Variants in UBR4 observed in about 807,000 individuals in gnomAD.
The protein encoded by UBR4 is E3 ubiquitin-protein ligase UBR4.
Under a neutral mutation model 575.6 loss-of-function variants are expected in UBR4, and 124 were observed. That is an observed-to-expected ratio of 0.22 (90% CI 0.19 to 0.25). UBR4 has a LOEUF of 0.25. Ranked by LOEUF, UBR4 falls within the 10% of genes least tolerant of loss-of-function variation. UBR4 has a pLI of 1.00. For missense variants in UBR4, 4,818 were observed against 6,478.8 expected, an observed-to-expected ratio of 0.74 and a Z score of 8.80; for synonymous variants, 2,455 against 2,473.7, an observed-to-expected ratio of 0.99 and a Z score of 0.22.
chr1:19,093,925 C>T lies in UBR4; in HGVS notation c.13937+24G>A. The T allele has an allele frequency of 6.3e-7, 1 of 1,598,978 alleles. No individual in the cohort carries two copies. Among genetic ancestry groups the T allele is most frequent in the Non-Finnish European group, 8.6e-7 (1 of 1,169,254 alleles). ...CGTTTTAGTGGAGACTCTCATTTCACTATATGAAATCAAAGTAACATACTT... is the reference window on the plus strand; with the variant it reads ...CGTTTTAGTGGAGACTCTCATTTCATTATATGAAATCAAAGTAACATACTT... On this transcript the variant is annotated intron_variant, in intron 95 of 105. Coordinates refer to ENST00000375254, the MANE Select transcript of UBR4 (RefSeq NM_020765.3). The surrounding 1 kb of genome is among the most constrained non-coding windows in gnomAD (Gnocchi z 4.8).
At chr1:19,161,555 G>A (rs1396977918) in intron 37 of UBR4, 34 bp downstream of exon 37, 2 of 1,554,104 alleles carry the variant, frequency 1.3e-6, no homozygotes, top group Non-Finnish European at 1.7e-6. Context: ...TCACTAACAA[G>A]CCACCCTTTA....
At chr1:19,197,358 G>A in intron 7 of UBR4, 93 bp from the exon 8 acceptor site, 1 of 1,540,354 alleles carries the variant, frequency 6.5e-7, no homozygotes, top group Non-Finnish European at 8.8e-7. Flanking sequence ...GCCCGGCACA[G>A]TGGCTCACGC....
intron 99 of UBR4, 71 bp downstream of exon 99, chr1:19,087,745 G>A (rs2077157404): frequency 1.1e-5 from 14 of 1,268,956 alleles, no homozygotes; most frequent in Non-Finnish European, 1.6e-5. Context: ...TGGCCTGGAG[G>A]AGGGGGATGC....
chr1:19,176,595 A>T lies in UBR4; in HGVS notation c.2770T>A (p.Ser924Thr). Residue 924 changes from serine to threonine, a missense_variant, in exon 20 of 106, where the codon TCA (serine) becomes ACA (threonine). Ser to Thr is a moderately conservative substitution (Grantham distance 58, BLOSUM62 1). Around this residue, in one of 29 missense-constraint regions of UBR4, gnomAD observed 1,172 missense variants for 1,259.7 expected, o/e 0.93. Transcript: ENST00000375254. ...VEENWSKHFS[S>T]DAVPHPRFYC... is the part of the protein sequence containing the mutation. ...TATTAACAGTCTTCTTTCTGACCTG[A>T]TGAGAAATGCTTAGACCAGTTTTCT... The T allele has an allele frequency of 6.2e-7, 1 of 1,613,552 alleles. No individual in the cohort carries two copies.
At position 19,153,507 on chromosome 1, in the gene UBR4, G is replaced by T; in HGVS notation, c.6631-5C>A. On this transcript the variant is annotated splice_region_variant and splice_polypyrimidine_tract_variant and intron_variant, in intron 45 of 105. Coordinates refer to ENST00000375254, the MANE Select transcript of UBR4 (RefSeq NM_020765.3). The surrounding 1 kb of genome is among the most constrained non-coding windows in gnomAD (Gnocchi z 4.1). ...AATAGCAACCATGTCTTGGATCTAG[G>T]AGGAGAGGACAAAGGAGGGTCTTCG... 1 of 1,613,758 alleles carries T rather than the reference G, an allele frequency of 6.2e-7. No individual in the cohort carries two copies. The highest frequency in any genetic ancestry group is 8.5e-7 in the Non-Finnish European group (1 of 1,179,948).
Position 19,122,786 on chromosome 1 carries a change from C to G in UBR4, c.9816+47G>C, listed in dbSNP as rs376361225. On this transcript the variant is annotated intron_variant, in intron 66 of 105. Coordinates refer to ENST00000375254, the MANE Select transcript of UBR4 (RefSeq NM_020765.3). ...AGCCCTATTACCTACTTGGCTAAGCCTTATCACATCCCCCCTCCCTGCCCT... is the reference window on the plus strand; with the variant it reads ...AGCCCTATTACCTACTTGGCTAAGCGTTATCACATCCCCCCTCCCTGCCCT... 3.3e-5 allele frequency: 53 copies of G among 1,609,286 alleles called. No homozygotes were observed. In the African/African-American group the frequency reaches 6.4e-4, roughly 19 times the overall value.
In UBR4 at chr1:19,123,099, G is replaced by T. The variant is rs112889155; in HGVS notation, c.9589-39C>A. ...ACACCACAAAGAGTAAATGACTCTG[G>T]GACTGTATCTATATCAACTGTGGCT... On this transcript the variant is annotated intron_variant, in intron 65 of 105. Coordinates refer to ENST00000375254, the MANE Select transcript of UBR4 (RefSeq NM_020765.3). The T allele has an allele frequency of 1.6e-3, 2,623 of 1,599,516 alleles. 40 individuals carry two copies. The African/African-American group carries it at 0.031, about 19-fold the overall frequency.
intron 17 of UBR4, among the ~76,000 whole-genome samples, chr1:19,181,451 T>C (rs1302319457): frequency 6.6e-6 from 1 of 152,166 alleles, no homozygotes; most frequent in East Asian, 1.9e-4. Flanking sequence ...GACAATAGCA[T>C]CCTTCTAGTT....
chr1:19,087,633 A>G (rs1384285494), intron 99 of UBR4, among the ~76,000 whole-genome samples, 183 bp downstream of exon 99: 2 of 152,266 alleles, frequency 1.3e-5, no homozygotes, highest in Non-Finnish European at 2.9e-5. Flanking sequence ...AACAAAGTCT[A>G]AAGTTCGGAT....
chr1:19,178,755 C>T (rs2090559150), intron 18 of UBR4, among the ~76,000 whole-genome samples: 2 of 152,180 alleles, frequency 1.3e-5, no homozygotes, highest in South Asian at 4.1e-4. Flanking sequence ...AGCTGGCTTC[C>T]CTGCTTGTCT....
intron 17 of UBR4, 77 bp from the exon 18 acceptor site, chr1:19,179,297 C>T (rs544778029): frequency 4.1e-5 from 57 of 1,392,060 alleles, no homozygotes; most frequent in Admixed American, 6.2e-5. Context: ...TGTTCTCAAA[C>T]GTTTGTTTGT....
rs145965710 is a variant in UBR4, at chr1:19,143,291, A to G, written c.8179+689T>C. On this transcript the variant is annotated intron_variant, in intron 55 of 105. Transcript: ENST00000375254. The stretch of plus-strand genomic sequence containing the variant: ...GAAAGAAAGAAAGAAAGAAAGAAAG[A>G]AAGAAAGAAAGAAAGAAAGAAAGAA... Among the ~76,000 whole-genome samples, 14 of 100,062 alleles carry G rather than the reference A, an allele frequency of 1.4e-4. 1 individual carries two copies. Among genetic ancestry groups the G allele is most frequent in the African/African-American group, 5.1e-4 (12 of 23,310 alleles). 65.6% of individuals were successfully genotyped at this position (100,062 alleles called of 152,430 possible).
rs139630441 is a variant in UBR4 at position 19,156,803 on chromosome 1, G to T, written c.5883C>A (p.Pro1961=). ...PFTVLSLTGN[P]CKEDYLAVCG... ...AAACCGCCAAGTAGTCTTCCTTGCA[G>T]GGATTTCCTGTGAGGCTCAACACAG... is the stretch of plus-strand genomic sequence containing the variant. The change falls in exon 41 of 106, where the codon CCC becomes CCA. Residue 1961 remains proline (P), a synonymous_variant. Transcript: ENST00000375254. 513 of 1,614,138 alleles carry T rather than the reference G, an allele frequency of 3.2e-4. No homozygotes were observed. Among genetic ancestry groups the T allele is most frequent in the Non-Finnish European group, 4.2e-4 (494 of 1,179,996 alleles).
chr1:19,128,391 GA>G, intron 61 of UBR4, 73 bp from the exon 62 acceptor site: 3 of 1,283,684 alleles, frequency 2.3e-6, no homozygotes, highest in Non-Finnish European at 2.3e-6. Context: ...GGGTGTTTCA[GA>G]AGAAATCCTA....
chr1:19,144,395 C>T (rs1205170066), intron 54 of UBR4, among the ~76,000 whole-genome samples: 1 of 152,190 alleles, frequency 6.6e-6, no homozygotes, highest in Non-Finnish European at 1.5e-5. Flanking sequence ...GATGATCAAG[C>T]CCCCAGCGCA....
At chr1:19,123,454 A>AAT (rs2081387212) in intron 65 of UBR4, among the ~76,000 whole-genome samples, 1 of 151,272 alleles carries the variant, frequency 6.6e-6, no homozygotes, top group Admixed American at 6.6e-5. Flanking sequence ...TTGGTCTTAA[A>AAT]AAAAAAAAAA....
Position 19,156,954 on chromosome 1 carries a change from C to CT in UBR4, c.5761-30dup, listed in dbSNP as rs777524080. 4.4e-6 allele frequency: 7 copies of CT among 1,606,450 alleles called. No homozygotes were observed. In the African/African-American group the frequency reaches 9.4e-5, roughly 21 times the overall value. On this transcript the variant is annotated intron_variant, in intron 40 of 105. Coordinates refer to ENST00000375254, the MANE Select transcript of UBR4 (RefSeq NM_020765.3). ...CAAAGGAACAATGACTAATTTATTC[C>CT]TACTCCTGGTCCTCTCAGAGAAGTC...
chr1:19,204,219 G>C (rs912686590), intron 1 of UBR4, among the ~76,000 whole-genome samples: 33 of 151,926 alleles, frequency 2.2e-4, no homozygotes, highest in African/African-American at 7.5e-4. Context: ...GGTCAGGCTG[G>C]TCTCAAACTC....
chr1:19,162,697 C>T, intron 34 of UBR4, 86 bp from the exon 35 acceptor site: 1 of 1,432,756 alleles, frequency 7.0e-7, no homozygotes, highest in East Asian at 2.4e-5. Context: ...AAATAAAGCT[C>T]AAGATCAGAG....
Sources: allele counts gnomAD v4.1 joint callset (sites outside exome capture counted in the v4.1 genomes callset), GRCh38; gene constraint gnomAD v4.1.1; regional missense constraint gnomAD v4.1.1; non-coding constraint Gnocchi (gnomAD v3.1); transcripts MANE v1.5; gene names NCBI Gene and HGNC (gene_info 2026-07-23, HGNC 2026-07-21).